Variants in CCM2 observed in about 807,000 individuals in gnomAD.
CCM2 encodes the protein CCM2 scaffold protein, also known as cerebral cavernous malformations 2 protein.
In CCM2, 25 loss-of-function variants were observed where a neutral mutation model predicts 44.9. The observed-to-expected ratio is 0.56, with a 90% CI of 0.41 to 0.78. CCM2 has a LOEUF of 0.78. Ranked by LOEUF, CCM2 falls within the 30% of genes least tolerant of loss-of-function variation. CCM2 has a pLI of 0.00. For missense variants in CCM2, 481 were observed against 580.6 expected (o/e 0.83, Z 1.76); for synonymous variants, 219 against 241.1 (o/e 0.91, Z 0.85).
intron 5 of CCM2, among the ~76,000 whole-genome samples, chr7:45,069,355 C>A (rs1043322900): frequency 6.6e-6 from 1 of 152,216 alleles, no homozygotes; most frequent in Non-Finnish European, 1.5e-5. Context: ...CTACATGTCC[C>A]CTGGGAGGGG....
At chr7:45,035,855 GGAA>G (rs1156948660) in intron 1 of CCM2, among the ~76,000 whole-genome samples, 2 of 152,044 alleles carry the variant, frequency 1.3e-5, no homozygotes, top group African/African-American at 4.8e-5. Flanking sequence ...AGACAGCAGT[GGAA>G]GAAGAGATAA....
chr7:45,000,357 C>G lies in CCM2; in HGVS notation c.24C>G (p.Gly8=). The change falls in exon 1 of 10, where the codon GGC becomes GGG. Residue 8 remains glycine, a synonymous_variant. Transcript: ENST00000258781. ...ATATGGAAGAGGAGGGCAAGAAGGG[C>G]AAGAAGGTGAGCGTGCGCGGGGGCG... MEEEGKK[G]KKPGIVSPFK... 1 of 1,303,832 alleles carries G rather than the reference C, an allele frequency of 7.7e-7. No individual in the cohort carries two copies. The highest frequency in any genetic ancestry group is 9.8e-7 in the Non-Finnish European group (1 of 1,018,188). 80.8% of individuals were successfully genotyped at this position (1,303,832 alleles called of 1,614,324 possible). A position where few individuals can be genotyped will look rare whatever the true frequency, so the allele number is the denominator to read the frequency against.
intron 2 of CCM2, among the ~76,000 whole-genome samples, chr7:45,044,812 A>T (rs1583918297): frequency 1.3e-5 from 2 of 152,172 alleles, no homozygotes; most frequent in Admixed American, 6.6e-5. Flanking sequence ...TGTTACAGTG[A>T]TTCTTATTTT....
At chr7:45,017,780 G>A (rs1796324231) in intron 1 of CCM2, among the ~76,000 whole-genome samples, 1 of 152,178 alleles carries the variant, frequency 6.6e-6, no homozygotes, top group Non-Finnish European at 1.5e-5. Flanking sequence ...TGCGTCCCAA[G>A]GCATCTTGTC....
At chr7:45,068,165 T>G in intron 4 of CCM2, 1 of 492,336 alleles carries the variant, frequency 2.0e-6, no homozygotes, top group African/African-American at 1.9e-5. Context: ...GTTCTCAGGG[T>G]TGTATATGTG....
At chr7:45,060,581 C>G (rs1171208850) in intron 2 of CCM2, among the ~76,000 whole-genome samples, 1 of 152,196 alleles carries the variant, frequency 6.6e-6, no homozygotes, top group East Asian at 1.9e-4. Flanking sequence ...ATATGTTACA[C>G]TTTTTGTAAC....
At chr7:45,060,749 T>C (rs1798482131) in intron 2 of CCM2, among the ~76,000 whole-genome samples, 1 of 152,270 alleles carries the variant, frequency 6.6e-6, no homozygotes, top group South Asian at 2.1e-4. Context: ...TCCCCATTGC[T>C]GTTACAGGAC....
chr7:45,039,755 G>A (rs191787428), intron 2 of CCM2, among the ~76,000 whole-genome samples: 5 of 151,930 alleles, frequency 3.3e-5, no homozygotes, highest in East Asian at 1.9e-4. Context: ...GGCCAGGTGC[G>A]GTGGCTCACA....
chr7:45,001,619 GA>G (rs1032878187), intron 1 of CCM2, among the ~76,000 whole-genome samples: 7 of 152,210 alleles, frequency 4.6e-5, no homozygotes, highest in Admixed American at 4.6e-4. Flanking sequence ...GCGCGCTAAG[GA>G]CTGATGACCT....
chr7:45,022,616 A>G (rs1339731640), intron 1 of CCM2, among the ~76,000 whole-genome samples: 1 of 150,884 alleles, frequency 6.6e-6, no homozygotes, highest in Non-Finnish European at 1.5e-5. Context: ...TTTTCTTTAG[A>G]GTTTCTGATG....
At chr7:45,065,504 A>G (rs1382514097) in intron 4 of CCM2, among the ~76,000 whole-genome samples, 3 of 152,186 alleles carry the variant, frequency 2.0e-5, no homozygotes, top group Non-Finnish European at 4.4e-5. Flanking sequence ...TGTTTTAGGT[A>G]GCAGAGAGGG....
chr7:45,059,025 G>T (rs576811347), intron 2 of CCM2, among the ~76,000 whole-genome samples: 1 of 151,440 alleles, frequency 6.6e-6, no homozygotes, highest in African/African-American at 2.4e-5. Flanking sequence ...GATTACAGGT[G>T]TGAGCTACCA....
At chr7:45,034,238 T>A (rs1346809572) in intron 1 of CCM2, among the ~76,000 whole-genome samples, 5 of 148,292 alleles carry the variant, frequency 3.4e-5, no homozygotes, top group African/African-American at 5.1e-5. Context: ...TGAGACGGAG[T>A]CTCTCTCTTG....
At chr7:45,039,321 A>G (rs1008362915) in intron 2 of CCM2, among the ~76,000 whole-genome samples, 2 of 152,204 alleles carry the variant, frequency 1.3e-5, no homozygotes, top group Non-Finnish European at 2.9e-5. Flanking sequence ...TTTTTCTTTC[A>G]AGCTTCTAGA....
intron 2 of CCM2, among the ~76,000 whole-genome samples, chr7:45,049,951 G>C (rs1411461175): frequency 6.6e-6 from 1 of 152,186 alleles, no homozygotes; most frequent in African/African-American, 2.4e-5. Context: ...ATTGTATTAG[G>C]TATAAGTAAT....
At chr7:45,069,095 C>T (rs1562913082) in intron 5 of CCM2, among the ~76,000 whole-genome samples, 1 of 152,260 alleles carries the variant, frequency 6.6e-6, no homozygotes, top group African/African-American at 2.4e-5. Context: ...TTTGGGGCCC[C>T]CTCAGCCACC....
At chr7:45,046,578 C>T (rs915081999) in intron 2 of CCM2, among the ~76,000 whole-genome samples, 4 of 152,178 alleles carry the variant, frequency 2.6e-5, no homozygotes, top group Non-Finnish European at 4.4e-5. Context: ...CTGAATTTCA[C>T]AACTTAAACA....
At chr7:45,053,248 G>GTTT (rs1798093968) in intron 2 of CCM2, among the ~76,000 whole-genome samples, 1 of 152,188 alleles carries the variant, frequency 6.6e-6, no homozygotes, top group East Asian at 1.9e-4. Flanking sequence ...GAAGAGCTGG[G>GTTT]GAAATCACTG....
chr7:45,054,375 A>C (rs1048157694), intron 2 of CCM2, among the ~76,000 whole-genome samples: 5 of 152,102 alleles, frequency 3.3e-5, no homozygotes, highest in Non-Finnish European at 7.4e-5. Flanking sequence ...TCCCCATCCC[A>C]AATCTCAGAA....
Sources: allele counts gnomAD v4.1 joint callset (sites outside exome capture counted in the v4.1 genomes callset), GRCh38; gene constraint gnomAD v4.1.1; transcripts MANE v1.5; gene names NCBI Gene and HGNC (gene_info 2026-07-23, HGNC 2026-07-21).